LRRC20: variants seen among roughly 807,000 people sequenced by gnomAD.
The protein encoded by LRRC20 is leucine rich repeat containing 20.
A neutral mutation model predicts 14.4 loss-of-function variants in LRRC20; 11 were observed. That is an observed-to-expected ratio of 0.77 (90% CI 0.48 to 1.27). The LOEUF (loss-of-function observed/expected upper bound fraction) is 1.27. LRRC20 is among the 50% of genes most tolerant of loss of function. The pLI is 0.00. For synonymous variants in LRRC20, 121 were observed against 107.3 expected (o/e 1.13, Z -0.79); for missense variants, 219 against 251.2 (o/e 0.87, Z 0.87).
In LRRC20 at chr10:70,376,558, G is replaced by A. The variant is rs761303457; in HGVS notation, c.-25C>T. ...TGCAGACACAGGTGTCCTGCCGCCA[G>A]CCCCCAGGCTGGTCTGCTTCTCACA... On this transcript the variant is annotated 5_prime_UTR_variant, in exon 2 of 5. Coordinates refer to ENST00000446961, the MANE Select transcript of LRRC20 (RefSeq NM_001278212.2). 1 of 1,609,540 alleles carries A rather than the reference G, an allele frequency of 6.2e-7. No homozygotes were observed. Among genetic ancestry groups the A allele is most frequent in the South Asian group, 1.1e-5 (1 of 91,040 alleles).
At chr10:70,314,800 G>T (rs2136911884) in intron 4 of LRRC20, among the ~76,000 whole-genome samples, 1 of 152,154 alleles carries the variant, frequency 6.6e-6, no homozygotes, top group East Asian at 1.9e-4. Context: ...GCAGGAGCGG[G>T]GCTGACTGCC....
chr10:70,304,470 T>TTATCTATATATA (rs1293891046), intron 4 of LRRC20, among the ~76,000 whole-genome samples: 21 of 113,824 alleles, frequency 1.8e-4, no homozygotes, highest in African/African-American at 6.3e-4. Context: ...GGCCACTTCT[T>TTATCTATATATA]TATATATATA....
intron 2 of LRRC20, among the ~76,000 whole-genome samples, chr10:70,368,220 C>T (rs986990819): frequency 6.4e-5 from 9 of 141,380 alleles, no homozygotes; most frequent in Non-Finnish European, 9.0e-5. Flanking sequence ...TGCAGTGGCA[C>T]AATCTCAGCT....
At chr10:70,345,772 G>A (rs536098766) in intron 2 of LRRC20, among the ~76,000 whole-genome samples, 6 of 152,288 alleles carry the variant, frequency 3.9e-5, no homozygotes, top group East Asian at 1.9e-4. Flanking sequence ...AGAAAGCCTT[G>A]CTAAGTTGAT....
intron 1 of LRRC20, among the ~76,000 whole-genome samples, chr10:70,377,752 GCAGGGCAGGCAAGGCCAAGC>G (rs1217319345): frequency 6.6e-6 from 1 of 152,250 alleles, no homozygotes; most frequent in Non-Finnish European, 1.5e-5. Flanking sequence ...AACTGGACAA[GCAGGGCAGGCAAGGCCAAGC>G]CAGGGCTGGC....
rs146963099 is a variant in LRRC20, at chr10:70,338,941, G to A, written c.232+1612C>T. Among the ~76,000 whole-genome samples, 834 of 152,292 alleles carry A rather than the reference G, an allele frequency of 5.5e-3. 2 individuals carry two copies. Among genetic ancestry groups the A allele is most frequent in the Non-Finnish European group, 9.9e-3 (676 of 68,020 alleles). On this transcript the variant is annotated intron_variant, in intron 3 of 4. Transcript: ENST00000446961. Reference sequence around the variant, plus strand: ...CTCCCAAAGTGCTGGGATTACAGGCGTGAGCCACTGCACCTGGCAACGTGG... The same window carrying A: ...CTCCCAAAGTGCTGGGATTACAGGCATGAGCCACTGCACCTGGCAACGTGG...
intron 4 of LRRC20, among the ~76,000 whole-genome samples, chr10:70,315,950 T>C (rs1453223639): frequency 6.6e-6 from 1 of 152,148 alleles, no homozygotes; most frequent in African/African-American, 2.4e-5. Flanking sequence ...TACATACCCA[T>C]GTCCATATCC....
intron 1 of LRRC20, among the ~76,000 whole-genome samples, chr10:70,379,105 G>A (rs773149827): frequency 6.6e-6 from 1 of 152,182 alleles, no homozygotes; most frequent in African/African-American, 2.4e-5. Context: ...CATCATTTGT[G>A]TTTCCAATCT....
chr10:70,339,050 A>G (rs1381033602), intron 3 of LRRC20, among the ~76,000 whole-genome samples: 1 of 152,156 alleles, frequency 6.6e-6, no homozygotes, highest in East Asian at 1.9e-4. Context: ...GTGTTTAACC[A>G]TTTGAGGAAC....
At chr10:70,355,491 G>A (rs1843485267) in intron 2 of LRRC20, among the ~76,000 whole-genome samples, 1 of 152,150 alleles carries the variant, frequency 6.6e-6, no homozygotes, top group Admixed American at 6.5e-5. Context: ...AGCACACACA[G>A]CTACTGGGCC....
rs762917881 is a variant in LRRC20, at chr10:70,340,692, C to A, written c.93G>T (p.Glu31Asp). Reference sequence around the variant, plus strand: ...CAATGGGAAAGGAGACCAGCTTGCACTCGGCCAGGTCTGCAGCCAAAGAAC... The same window carrying A: ...CAATGGGAAAGGAGACCAGCTTGCAATCGGCCAGGTCTGCAGCCAAAGAAC... Reference protein sequence around the residue: ...ESGSDTLDLAECKLVSFPIGI... With the variant: ...ESGSDTLDLADCKLVSFPIGI... Residue 31 changes from glutamate to aspartate, a missense_variant, in exon 3 of 5, where the codon GAG becomes GAT. Transcript: ENST00000446961. 1.9e-6 allele frequency: 3 copies of A among 1,614,224 alleles called. No homozygotes were observed. The highest frequency in any genetic ancestry group is 2.7e-5 in the African/African-American group (2 of 75,060).
intron 2 of LRRC20, among the ~76,000 whole-genome samples, chr10:70,363,853 C>T (rs1843857657): frequency 6.6e-6 from 1 of 150,516 alleles, no homozygotes; most frequent in African/African-American, 2.4e-5. Context: ...CCCAACACAG[C>T]ACACCACAGA....
chr10:70,340,391 C>T (rs77939898), intron 3 of LRRC20, among the ~76,000 whole-genome samples, 162 bp downstream of exon 3: 2,252 of 152,292 alleles, frequency 0.015, 51 homozygotes, highest in African/African-American at 0.052. Context: ...GAGTTCCAAG[C>T]TGCAGGGAGA....
At chr10:70,323,827 C>T (rs372807973) in intron 4 of LRRC20, 36 bp downstream of exon 4, 3 of 1,610,832 alleles carry the variant, frequency 1.9e-6, no homozygotes, top group Non-Finnish European at 2.5e-6. Flanking sequence ...GCGCCTCGTG[C>T]AGCAGCCCAG....
rs868758665 is a variant in LRRC20 at position 70,369,622 on chromosome 10, A to C, written c.82+6830T>G. Among the ~76,000 whole-genome samples the C allele has an allele frequency of 5.3e-5, 8 of 150,952 alleles. No individual in the cohort carries two copies. The South Asian group carries it at 6.2e-4, about 12-fold the overall frequency. On this transcript the variant is annotated intron_variant, in intron 2 of 4. Transcript: ENST00000446961. Reference sequence around the variant, plus strand: ...CGCTGTCTCAAAAAAAAAAAAAAAAAAAAAAAAAAAACCATACATACACAC... The same window carrying C: ...CGCTGTCTCAAAAAAAAAAAAAAAACAAAAAAAAAAACCATACATACACAC...
chr10:70,373,705 A>G (rs1440142212), intron 2 of LRRC20, among the ~76,000 whole-genome samples: 1 of 152,192 alleles, frequency 6.6e-6, no homozygotes, highest in Non-Finnish European at 1.5e-5. Context: ...GGCTCTCCCA[A>G]CTTGACTAGA....
At chr10:70,357,086 T>C (rs763495965) in intron 2 of LRRC20, among the ~76,000 whole-genome samples, 5 of 152,130 alleles carry the variant, frequency 3.3e-5, no homozygotes, top group Non-Finnish European at 2.9e-5. Context: ...TTTTGCTATG[T>C]GAAGGAAGCC....
intron 3 of LRRC20, among the ~76,000 whole-genome samples, chr10:70,333,977 CT>C (rs1321274638): frequency 6.6e-6 from 1 of 152,134 alleles, no homozygotes; most frequent in Admixed American, 6.5e-5. Flanking sequence ...TGGTTAAATC[CT>C]GTCTCTACTA....
At chr10:70,369,114 G>T (rs959701564) in intron 2 of LRRC20, among the ~76,000 whole-genome samples, 9 of 152,160 alleles carry the variant, frequency 5.9e-5, no homozygotes, top group African/African-American at 2.2e-4. Context: ...TAAATACAAA[G>T]GTAGATGTTC....
Sources: allele counts gnomAD v4.1 joint callset (sites outside exome capture counted in the v4.1 genomes callset), GRCh38; gene constraint gnomAD v4.1.1; transcripts MANE v1.5; gene names NCBI Gene and HGNC (gene_info 2026-07-23, HGNC 2026-07-21).